The following PCDH15 variants were observed in gnomAD, a reference collection of about 807,000 sequenced individuals.
PCDH15 encodes the protein protocadherin-15.
In PCDH15, 129 loss-of-function variants were observed where a neutral mutation model predicts 178.5. The ratio of observed to expected loss-of-function variants is 0.72; its 90% CI spans 0.63 to 0.84. The LOEUF (loss-of-function observed/expected upper bound fraction) is 0.84, where lower values mean the gene tolerates loss of function less well. Ranked by LOEUF, PCDH15 falls within the 40% of genes least tolerant of loss-of-function variation. The probability of loss-of-function intolerance (pLI) is 0.00; values close to 1 mark genes in which losing one functional copy is unlikely to be tolerated. For missense variants in PCDH15, 2,230 were observed against 2,099.9 expected (o/e 1.06, Z -1.21); for synonymous variants, 800 against 732.0 (o/e 1.09, Z -1.50).
At chr10:55,564,403 C>T (rs565963208) in intron 2 of PCDH15, among the ~76,000 whole-genome samples, 19 of 151,478 alleles carry the variant, frequency 1.3e-4, no homozygotes, top group Admixed American at 5.3e-4. Flanking sequence ...CATTAAAAAA[C>T]GTATGAAAGG....
intron 2 of PCDH15, among the ~76,000 whole-genome samples, chr10:55,095,721 A>G (rs767590874): frequency 2.0e-5 from 3 of 152,096 alleles, no homozygotes; most frequent in Non-Finnish European, 4.4e-5. Context: ...AACATTTTTG[A>G]CATTTGGTTT....
intron 3 of PCDH15, among the ~76,000 whole-genome samples, chr10:54,379,581 A>T (rs548233144): frequency 4.1e-4 from 63 of 151,940 alleles, no homozygotes; most frequent in African/African-American, 1.4e-3. Context: ...CTTTCTTATT[A>T]TTTTTTTTCA....
chr10:55,120,798 C>T (rs1422995262), intron 2 of PCDH15, among the ~76,000 whole-genome samples: 2 of 152,182 alleles, frequency 1.3e-5, no homozygotes, highest in East Asian at 3.9e-4. Flanking sequence ...TTGGGATATA[C>T]TTGCCAGAAA....
Position 55,148,447 on chromosome 10 carries a change from A to G in PCDH15, c.-80+18129T>C, listed in dbSNP as rs369839832. On this transcript the variant is annotated intron_variant, in intron 2 of 5. Transcript: ENST00000458638. ...GGACTAGGACCTATGGGATTCGTCC[A>G]TTACTCAAGAGAACTATATCATCAT... Among the ~76,000 whole-genome samples, 46 of 151,972 alleles carry G rather than the reference A, an allele frequency of 3.0e-4. 1 individual carries two copies. The South Asian group carries it at 8.5e-3, about 28-fold the overall frequency.
chr10:54,396,062 G>A (rs571396736), intron 3 of PCDH15, among the ~76,000 whole-genome samples: 1 of 152,166 alleles, frequency 6.6e-6, no homozygotes, highest in South Asian at 2.1e-4. Context: ...TACCTAAAAG[G>A]ACGATATACA....
Position 54,019,701 on chromosome 10 carries a change from GAGCTTAAAA to G in PCDH15, c.2751+482_2751+490del, listed in dbSNP as rs555830632. 3.4e-4 allele frequency among the ~76,000 whole-genome samples: 51 copies of G among 152,160 alleles called. No individual in the cohort carries two copies. In the South Asian group the frequency reaches 0.011, roughly 32 times the overall value. On this transcript the variant is annotated intron_variant, in intron 20 of 37. Transcript: ENST00000644397. ...GGTTAACAAAGTCCCCAAGGTCATA[GAGCTTAAAA>G]AGGGTTGAGCCAGAATTTAACCTCA...
chr10:55,197,676 A>G (rs1428864383), intron 1 of PCDH15, among the ~76,000 whole-genome samples: 1 of 152,076 alleles, frequency 6.6e-6, no homozygotes, highest in African/African-American at 2.4e-5. Flanking sequence ...TTTATCATCC[A>G]CTTCTACACA....
chr10:54,305,962 A>G (rs558042853), intron 8 of PCDH15, among the ~76,000 whole-genome samples: 3 of 152,000 alleles, frequency 2.0e-5, no homozygotes, highest in Non-Finnish European at 4.4e-5. Context: ...ATGAGACAAG[A>G]TAGTGTAGGA....
chr10:54,621,042 TA>T (rs1445176408), intron 2 of PCDH15, among the ~76,000 whole-genome samples: 1 of 152,024 alleles, frequency 6.6e-6, no homozygotes, highest in Non-Finnish European at 1.5e-5. Context: ...TTCTGTTCCC[TA>T]AGGTACTGTG....
At chr10:54,946,895 AAC>A (rs1379559840) in intron 2 of PCDH15, among the ~76,000 whole-genome samples, 1 of 151,886 alleles carries the variant, frequency 6.6e-6, no homozygotes, top group African/African-American at 2.4e-5. Context: ...CATTGAATAA[AAC>A]ACAATATTTG....
intron 1 of PCDH15, among the ~76,000 whole-genome samples, chr10:54,755,980 G>A (rs920993647): frequency 4.0e-5 from 6 of 151,466 alleles, no homozygotes; most frequent in Non-Finnish European, 5.9e-5. Flanking sequence ...CAGCACTTTG[G>A]CAGCGGGTGG....
chr10:55,436,937 T>C (rs1013773658), intron 2 of PCDH15, among the ~76,000 whole-genome samples: 2 of 152,330 alleles, frequency 1.3e-5, no homozygotes, highest in East Asian at 3.9e-4. Context: ...AATGTTCTCG[T>C]TGATTTCTGT....
intron 2 of PCDH15, among the ~76,000 whole-genome samples, chr10:55,038,697 T>C (rs2131974425): frequency 6.6e-6 from 1 of 152,282 alleles, no homozygotes; most frequent in East Asian, 1.9e-4. Context: ...TGATCACCAC[T>C]GTTGAGTGGC....
At chr10:53,923,386 G>C (rs2246660) in intron 25 of PCDH15, among the ~76,000 whole-genome samples, 1 of 152,124 alleles carries the variant, frequency 6.6e-6, no homozygotes, top group Admixed American at 6.5e-5. Context: ...AACTGACTAC[G>C]AGACTTGTGT....
At chr10:53,829,409 G>A (rs984968778) in intron 30 of PCDH15, among the ~76,000 whole-genome samples, 8 of 152,124 alleles carry the variant, frequency 5.3e-5, no homozygotes, top group Admixed American at 4.6e-4. Flanking sequence ...ATTGCATACT[G>A]TGCCAAATAC....
At chr10:54,470,123 C>T (rs2077803478) in intron 3 of PCDH15, among the ~76,000 whole-genome samples, 2 of 152,112 alleles carry the variant, frequency 1.3e-5, no homozygotes, top group Admixed American at 1.3e-4. Flanking sequence ...TCCCCAAACC[C>T]CCAACAGAAT....
At chr10:54,781,629 CTT>C (rs1424040835) in intron 1 of PCDH15, among the ~76,000 whole-genome samples, 1 of 152,056 alleles carries the variant, frequency 6.6e-6, no homozygotes, top group Admixed American at 6.6e-5. Flanking sequence ...CTGTGAATGA[CTT>C]AGCCTATGGA....
chr10:54,616,344 A>G (rs2093153159), intron 2 of PCDH15, among the ~76,000 whole-genome samples: 1 of 152,128 alleles, frequency 6.6e-6, no homozygotes, highest in African/African-American at 2.4e-5. Context: ...GTCAGGTATA[A>G]AGAACATATT....
intron 1 of PCDH15, among the ~76,000 whole-genome samples, chr10:55,167,173 G>A (rs1839217360): frequency 1.3e-5 from 2 of 152,076 alleles, no homozygotes; most frequent in Non-Finnish European, 2.9e-5. Flanking sequence ...GAGTGCAGTG[G>A]CACAATCACA....
Sources: allele counts gnomAD v4.1 joint callset (sites outside exome capture counted in the v4.1 genomes callset), GRCh38; gene constraint gnomAD v4.1.1; transcripts MANE v1.5; gene names NCBI Gene and HGNC (gene_info 2026-07-23, HGNC 2026-07-21).